Variants in MROH2A observed in about 807,000 individuals in gnomAD.
MROH2A encodes maestro heat-like repeat-containing protein family member 2A.
Under a neutral mutation model 200.4 loss-of-function variants are expected in MROH2A, and 174 were observed. That is an observed-to-expected ratio of 0.87 (90% confidence interval 0.77 to 0.98). The LOEUF (loss-of-function observed/expected upper bound fraction) is 0.98, where lower values mean the gene tolerates loss of function less well. Ranked by LOEUF, MROH2A falls within the 50% of genes least tolerant of loss-of-function variation. MROH2A has a pLI of 0.00. For missense variants in MROH2A, 2,045 were observed against 2,139.6 expected (o/e 0.96, Z 0.87); for synonymous variants, 829 against 840.4 (o/e 0.99, Z 0.23).
chr2:233,811,879 G>T lies in MROH2A; in HGVS notation c.2572-1G>T. ...CACCACCCCCTGCTTGTGTTGGACA[G>T]GCGGTCATCAAGGCAGAACCGACTG... On this transcript the variant is annotated splice_acceptor_variant, in intron 23 of 41. Coordinates refer to ENST00000389758, the MANE Select transcript of MROH2A (RefSeq NM_001394639.1). LOFTEE classifies it high-confidence loss of function. 6.5e-7 allele frequency: 1 copy of T among 1,549,854 alleles called. No individual in the cohort carries two copies. Among genetic ancestry groups the T allele is most frequent in the South Asian group, 1.2e-5 (1 of 84,062 alleles).
At chr2:233,818,175 G>T in intron 28 of MROH2A, 50 bp downstream of exon 28, 1 of 1,543,210 alleles carries the variant, frequency 6.5e-7, no homozygotes, top group Non-Finnish European at 8.7e-7. Flanking sequence ...GGGAGAGAGG[G>T]CTGACTCCAG....
chr2:233,804,467 A>G lies in MROH2A; in HGVS notation c.1892-28A>G, dbSNP rs766879062. ...TAGGGGAGCAGTGGAAGAAAGTGGC[A>G]TGTGTGACCATACATGTGTTCCTGC... On this transcript the variant is annotated intron_variant, in intron 17 of 41. Transcript: ENST00000389758. The G allele has an allele frequency of 3.2e-6, 5 of 1,550,784 alleles. No homozygotes were observed. The African/African-American group carries it at 4.1e-5, about 13-fold the overall frequency.
intron 3 of MROH2A, among the ~76,000 whole-genome samples, chr2:233,787,494 C>T (rs1046423920): frequency 1.7e-5 from 2 of 117,584 alleles, no homozygotes; most frequent in Non-Finnish European, 3.4e-5. Context: ...AATATATATA[C>T]ATATACATAT....
In MROH2A at chr2:233,813,779, G is replaced by A. The variant is rs1489605517; in HGVS notation, c.2760+1G>A. 1 of 1,522,842 alleles carries A rather than the reference G, an allele frequency of 6.6e-7. No individual in the cohort carries two copies. The highest frequency in any genetic ancestry group is 2.0e-5 in the Admixed American group (1 of 50,930). 94.3% of individuals were successfully genotyped at this position (1,522,842 alleles called of 1,614,324 possible). A position where few individuals can be genotyped will look rare whatever the true frequency, so the allele number is the denominator to read the frequency against. On this transcript the variant is annotated splice_donor_variant, in intron 25 of 41. Transcript: ENST00000389758. LOFTEE classifies it high-confidence loss of function. Reference sequence around the variant, plus strand: ...AGGAGAGGACAATGAGTCCATTAAGGTAGGTCCCTCTGGGATGCCTCATTT... The same window carrying A: ...AGGAGAGGACAATGAGTCCATTAAGATAGGTCCCTCTGGGATGCCTCATTT...
At chr2:233,809,353 G>A in intron 22 of MROH2A, 75 bp downstream of exon 22, 1 of 1,476,840 alleles carries the variant, frequency 6.8e-7, no homozygotes, top group East Asian at 2.5e-5. Flanking sequence ...CACTCTCTGG[G>A]CTCCTGCATC....
chr2:233,789,680 G>A (rs1701599711), intron 4 of MROH2A, 52 bp downstream of exon 4: 1 of 1,440,178 alleles, frequency 6.9e-7, no homozygotes, highest in Non-Finnish European at 9.2e-7. Context: ...CAGGAGCTGG[G>A]CCACGGGGGG....
chr2:233,810,677 T>C, intron 22 of MROH2A, 117 bp from the exon 23 acceptor site: 4 of 1,324,272 alleles, frequency 3.0e-6, no homozygotes, highest in Non-Finnish European at 4.1e-6. Flanking sequence ...TCTCAGAGCA[T>C]TCAACATTAA....
intron 3 of MROH2A, among the ~76,000 whole-genome samples, chr2:233,789,009 C>T (rs575479981): frequency 1.2e-4 from 17 of 144,198 alleles, no homozygotes; most frequent in African/African-American, 3.4e-4. Flanking sequence ...TTCTCAAATA[C>T]GACCCTCCAG....
chr2:233,801,825 G>A (rs1358939008), intron 14 of MROH2A, among the ~76,000 whole-genome samples: 1 of 152,204 alleles, frequency 6.6e-6, no homozygotes, highest in Non-Finnish European at 1.5e-5. Context: ...CATCTGCCCG[G>A]GGTGCCCCTC....
At chr2:233,801,688 T>G (rs1255127748) in intron 14 of MROH2A, among the ~76,000 whole-genome samples, 1 of 152,202 alleles carries the variant, frequency 6.6e-6, no homozygotes, top group Non-Finnish European at 1.5e-5. Flanking sequence ...ATTATGCACT[T>G]TCGTCACACC....
rs544881453 is a variant in MROH2A at position 233,819,980 on chromosome 2, G to A, written c.3436G>A (p.Gly1146Ser). 9.8e-5 allele frequency: 152 copies of A among 1,546,614 alleles called. No individual in the cohort carries two copies. The East Asian group carries it at 1.8e-3, about 18-fold the overall frequency. ...HPEVRRLLID[G>S]ILLLAHHHQE... Reference sequence around the variant, plus strand: ...AGAGGTGCGGCGCCTTCTCATTGACGGCATCCTGCTGCTGGCGCACCACCA... The same window carrying A: ...AGAGGTGCGGCGCCTTCTCATTGACAGCATCCTGCTGCTGGCGCACCACCA... The change falls in exon 31 of 42, where the codon GGC becomes AGC. Residue 1146 changes from glycine to serine, a missense_variant. By Grantham distance (56) the Gly-to-Ser change is moderately conservative. Around this residue, in one of 3 missense-constraint regions of MROH2A, gnomAD observed 1,201 missense variants for 1,311.3 expected, o/e 0.92. Coordinates refer to ENST00000389758, the MANE Select transcript of MROH2A (RefSeq NM_001394639.1).
chr2:233,816,937 A>T, intron 27 of MROH2A, 52 bp downstream of exon 27: 1 of 1,119,128 alleles, frequency 8.9e-7, no homozygotes, highest in Non-Finnish European at 1.3e-6. Flanking sequence ...ATGCACAGAA[A>T]AATTCCTGTG....
chr2:233,830,123 C>T (rs890230319), intron 38 of MROH2A, among the ~76,000 whole-genome samples: 1 of 152,190 alleles, frequency 6.6e-6, no homozygotes, highest in Non-Finnish European at 1.5e-5. Context: ...CTCAAAATAC[C>T]CCAAAGTGGT....
At chr2:233,798,932 C>A in intron 12 of MROH2A, 82 bp downstream of exon 12, 1 of 1,167,484 alleles carries the variant, frequency 8.6e-7, no homozygotes, top group Non-Finnish European at 1.2e-6. Flanking sequence ...CTCTGGGAGG[C>A]AGAGGCTTTT....
intron 11 of MROH2A, among the ~76,000 whole-genome samples, chr2:233,798,206 A>T (rs1702235452): frequency 6.6e-6 from 1 of 152,182 alleles, no homozygotes; most frequent in Non-Finnish European, 1.5e-5. Context: ...GTGTGCTGTC[A>T]TCAGTTGTAC....
chr2:233,818,741 A>G lies in MROH2A; in HGVS notation c.3175A>G (p.Ile1059Val). 6.5e-7 allele frequency: 1 copy of G among 1,549,246 alleles called. No individual in the cohort carries two copies. Among genetic ancestry groups the G allele is most frequent in the South Asian group, 1.2e-5 (1 of 84,008 alleles). Residue 1059 changes from isoleucine (I) to valine (V), a missense_variant, in exon 29 of 42, where the codon ATC becomes GTC. By Grantham distance (29) the Ile-to-Val change is conservative. Around this residue, in one of 3 missense-constraint regions of MROH2A, gnomAD observed 1,201 missense variants for 1,311.3 expected, o/e 0.92. Transcript: ENST00000389758. ...GDLQSTDVEK[I>V]FCASSRIAKV... ...CCTCCAGAGCACAGATGTGGAGAAG[A>G]TCTTCTGTGCATCCTCCAGAATCGC... is the stretch of plus-strand genomic sequence containing the variant.
intron 13 of MROH2A, 110 bp from the exon 14 acceptor site, chr2:233,800,095 T>C (rs1452866135): frequency 1.9e-6 from 2 of 1,063,238 alleles, no homozygotes; most frequent in Non-Finnish European, 2.7e-6. Context: ...GAGCATTCTG[T>C]AGACTCAGTA....
chr2:233,820,081 C>T lies in MROH2A; in HGVS notation c.3512+25C>T, dbSNP rs1433163632. On this transcript the variant is annotated intron_variant, in intron 31 of 41. Coordinates refer to ENST00000389758, the MANE Select transcript of MROH2A (RefSeq NM_001394639.1). The surrounding 1 kb of genome is among the most constrained non-coding windows in gnomAD (Gnocchi z 4.1). ...GGTGGGTGCCCTGGAGGAGGTGGCC[C>T]CGGCCTCCTGTGCCATTTGACCATG... 9.4e-6 allele frequency: 14 copies of T among 1,488,382 alleles called. No individual in the cohort carries two copies. Among genetic ancestry groups the T allele is most frequent in the South Asian group, 1.3e-5 (1 of 75,778 alleles). The allele number at this position is 1,488,382 out of a possible 1,614,324, so 92.2% of individuals were successfully genotyped here.
In MROH2A at chr2:233,803,178, G is replaced by T. The variant is rs147477945; in HGVS notation, c.1709-270G>T. On this transcript the variant is annotated intron_variant, in intron 15 of 41. Transcript: ENST00000389758. ...ACAAAACACTGTCATGGAAAGTCTT[G>T]GTGTCCACTACAAAATGCGCATGGC... 2.0e-3 allele frequency among the ~76,000 whole-genome samples: 299 copies of T among 152,268 alleles called. 2 individuals carry two copies. The highest frequency in any genetic ancestry group is 6.8e-3 in the African/African-American group (283 of 41,548).
Sources: allele counts gnomAD v4.1 joint callset (sites outside exome capture counted in the v4.1 genomes callset), GRCh38; gene constraint gnomAD v4.1.1; regional missense constraint gnomAD v4.1.1; non-coding constraint Gnocchi (gnomAD v3.1); transcripts MANE v1.5; gene names NCBI Gene and HGNC (gene_info 2026-07-23, HGNC 2026-07-21).